Variants in NRG1 observed in about 807,000 individuals in gnomAD.
The protein encoded by NRG1 is neuregulin 1, also known as pro-neuregulin-1, membrane-bound isoform.
A neutral mutation model predicts 63.8 loss-of-function variants in NRG1; 18 were observed. The ratio of observed to expected loss-of-function variants is 0.28; its 90% confidence interval spans 0.19 to 0.42. NRG1 has a LOEUF of 0.42. NRG1 is among the 10% of genes least tolerant of loss of function. NRG1 has a pLI of 1.00. For missense variants in NRG1, 762 were observed against 814.7 expected, an observed-to-expected ratio of 0.94 and a Z score of 0.79; for synonymous variants, 302 against 301.3, an observed-to-expected ratio of 1.00 and a Z score of -0.02.
intron 1 of NRG1, among the ~76,000 whole-genome samples, chr8:31,854,051 A>G (rs1586823735): frequency 6.6e-6 from 1 of 150,838 alleles, no homozygotes; most frequent in South Asian, 2.1e-4. Context: ...AATGTTCATC[A>G]AGGATATTGG....
At chr8:32,505,747 A>C (rs12545304) in intron 1 of NRG1, among the ~76,000 whole-genome samples, 17,834 of 152,284 alleles carry the variant, frequency 0.12, 1,314 homozygotes, top group Admixed American at 0.25. Context: ...CTTGGGAGGC[A>C]ATACGGAGAT....
chr8:32,214,954 C>G (rs1030016208), intron 1 of NRG1, among the ~76,000 whole-genome samples: 1 of 152,204 alleles, frequency 6.6e-6, no homozygotes, highest in Non-Finnish European at 1.5e-5. Flanking sequence ...TTCTCTTTCT[C>G]TACTTCCAGG....
chr8:32,617,365 G>A (rs916813503), intron 5 of NRG1, among the ~76,000 whole-genome samples: 1 of 152,232 alleles, frequency 6.6e-6, no homozygotes, highest in South Asian at 2.1e-4. Flanking sequence ...AAATTTGATA[G>A]CAAGTAACTG....
At chr8:32,245,724 T>G (rs1208410838) in intron 1 of NRG1, among the ~76,000 whole-genome samples, 1 of 152,162 alleles carries the variant, frequency 6.6e-6, no homozygotes, top group African/African-American at 2.4e-5. Context: ...ATTATTTACA[T>G]TGTTGTCTTA....
chr8:31,672,035 T>C (rs1009760772), intron 1 of NRG1, among the ~76,000 whole-genome samples: 4 of 152,170 alleles, frequency 2.6e-5, no homozygotes, highest in African/African-American at 4.8e-5. Context: ...GAGGTCTTAC[T>C]GTAATTAAAT....
intron 5 of NRG1, among the ~76,000 whole-genome samples, chr8:32,719,730 C>T (rs1820147673): frequency 6.6e-6 from 1 of 151,940 alleles, no homozygotes. Context: ...TTGTTTGATT[C>T]TAGCCCTAGC....
chr8:32,003,364 C>T, intron 1 of NRG1, among the ~76,000 whole-genome samples: 1 of 151,994 alleles, frequency 6.6e-6, no homozygotes, highest in Non-Finnish European at 1.5e-5. Context: ...CTATTCCATC[C>T]AACAACAGCA....
chr8:32,492,649 A>G (rs1252794962), intron 1 of NRG1, among the ~76,000 whole-genome samples: 3 of 152,192 alleles, frequency 2.0e-5, no homozygotes, highest in Admixed American at 6.5e-5. Context: ...AAGAAAGAGT[A>G]CGAACCCAAG....
At chr8:32,417,367 T>C (rs935052732) in intron 1 of NRG1, among the ~76,000 whole-genome samples, 1 of 152,190 alleles carries the variant, frequency 6.6e-6, no homozygotes, top group Admixed American at 6.5e-5. Flanking sequence ...AAGATACTGC[T>C]GCAGGTATTG....
chr8:32,222,522 AC>A (rs1845926281), intron 1 of NRG1, among the ~76,000 whole-genome samples: 1 of 152,210 alleles, frequency 6.6e-6, no homozygotes, highest in Admixed American at 6.5e-5. Context: ...AGAAATCTTG[AC>A]CCACTATAAA....
intron 1 of NRG1, among the ~76,000 whole-genome samples, chr8:31,861,894 A>G (rs751193812): frequency 4.6e-5 from 7 of 152,142 alleles, no homozygotes; most frequent in Non-Finnish European, 7.4e-5. Flanking sequence ...CAGACAGTTC[A>G]CCCTGAAATG....
At chr8:32,672,084 G>A (rs1805816464) in intron 5 of NRG1, among the ~76,000 whole-genome samples, 3 of 149,912 alleles carry the variant, frequency 2.0e-5, no homozygotes, top group Non-Finnish European at 3.0e-5. Flanking sequence ...TTGCTCTGTC[G>A]CCCAGGCTGG....
At chr8:32,463,874 CTTTTTTTTTTTTTTTTTTTTTTTTTTT>C (rs756489856) in intron 1 of NRG1, among the ~76,000 whole-genome samples, 1 of 42,338 alleles carries the variant, frequency 2.4e-5, no homozygotes, top group African/African-American at 9.7e-5. Flanking sequence ...ACTTAGAATT[CTTTTTTTTTTTTTTTTTTTTTTTTTTT>C]TTTTTTTTTT....
chr8:32,537,649 T>G (rs1832152083), intron 1 of NRG1, among the ~76,000 whole-genome samples: 1 of 152,184 alleles, frequency 6.6e-6, no homozygotes, highest in African/African-American at 2.4e-5. Flanking sequence ...TGCCATTTTC[T>G]TAGTGCCTAT....
chr8:31,891,040 T>C (rs911305013), intron 1 of NRG1, among the ~76,000 whole-genome samples: 1 of 152,166 alleles, frequency 6.6e-6, no homozygotes, highest in African/African-American at 2.4e-5. Context: ...AATATGTACC[T>C]ATAAAACCTT....
At chr8:31,843,977 T>C (rs1470834727) in intron 1 of NRG1, among the ~76,000 whole-genome samples, 1 of 152,244 alleles carries the variant, frequency 6.6e-6, no homozygotes, top group Non-Finnish European at 1.5e-5. Context: ...CTAATGTTCA[T>C]TGAGTGCTAA....
intron 1 of NRG1, among the ~76,000 whole-genome samples, chr8:32,231,045 C>T (rs1243155899): frequency 6.6e-6 from 1 of 152,034 alleles, no homozygotes; most frequent in Non-Finnish European, 1.5e-5. Flanking sequence ...TTCCTAGCCT[C>T]TGGAAACCAT....
chr8:31,660,082 G>C (rs1805823952), intron 1 of NRG1, among the ~76,000 whole-genome samples: 1 of 152,160 alleles, frequency 6.6e-6, no homozygotes, highest in Non-Finnish European at 1.5e-5. Flanking sequence ...TTATTAGAAA[G>C]TATTCTTATA....
At chr8:32,479,867 C>T (rs918614985) in intron 1 of NRG1, among the ~76,000 whole-genome samples, 3 of 152,062 alleles carry the variant, frequency 2.0e-5, no homozygotes, top group African/African-American at 7.2e-5. Flanking sequence ...CCAGGATGGT[C>T]TCAATCTCCT....
Sources: allele counts gnomAD v4.1 joint callset (sites outside exome capture counted in the v4.1 genomes callset), GRCh38; gene constraint gnomAD v4.1.1; transcripts MANE v1.5; gene names NCBI Gene and HGNC (gene_info 2026-07-23, HGNC 2026-07-21).